The following TRAF5 variants were observed in gnomAD, a reference collection of about 807,000 sequenced individuals.
The protein encoded by TRAF5 is TNF receptor associated factor 5.
TRAF5 carries 48 observed loss-of-function variants against 64.5 expected under a neutral mutation model. That is an observed-to-expected ratio of 0.74 (90% confidence interval 0.59 to 0.95). The LOEUF is 0.95. Ranked by LOEUF, TRAF5 falls within the 40% of genes least tolerant of loss-of-function variation. The probability of loss-of-function intolerance (pLI) is 0.00; values close to 1 mark genes in which losing one functional copy is unlikely to be tolerated. For missense variants in TRAF5, 545 were observed against 662.8 expected (o/e 0.82, Z 1.95); for synonymous variants, 206 against 240.5 (o/e 0.86, Z 1.33).
chr1:211,365,623 A>T, intron 8 of TRAF5, 155 bp downstream of exon 8: 1 of 561,598 alleles, frequency 1.8e-6, no homozygotes, highest in Non-Finnish European at 3.0e-6. Flanking sequence ...TCATAGGATT[A>T]TAGAACATTA....
chr1:211,338,488 T>G (rs1365068037), intron 1 of TRAF5, among the ~76,000 whole-genome samples: 3 of 152,212 alleles, frequency 2.0e-5, no homozygotes, highest in African/African-American at 7.2e-5. Flanking sequence ...TGACCGGCAC[T>G]GAATAAAGCT....
intron 1 of TRAF5, among the ~76,000 whole-genome samples, chr1:211,346,835 CT>C (rs796678812): frequency 6.6e-6 from 1 of 152,200 alleles, no homozygotes; most frequent in East Asian, 1.9e-4. Context: ...GCATCCACAG[CT>C]TTCCTTTGGA....
At position 211,372,226 on chromosome 1, in the gene TRAF5, A is replaced by G. The variant is rs1703557153; in HGVS notation, c.1198A>G (p.Thr400Ala). 6 of 1,614,090 alleles carry G rather than the reference A, an allele frequency of 3.7e-6. No individual in the cohort carries two copies. Among genetic ancestry groups the G allele is most frequent in the Non-Finnish European group, 5.1e-6 (6 of 1,180,006 alleles). ...AGAGCGATTTAAACTGCTGGAGGGT[A>G]CTTGCTATAATGGAAAGCTCATTTG... ...NEERFKLLEG[T>A]CYNGKLIWKV... The change falls in exon 11 of 11, where the codon ACT (threonine) becomes GCT (alanine). Residue 400 changes from threonine (T) to alanine (A), a missense_variant. By Grantham distance (58) the Thr-to-Ala change is moderately conservative. Transcript: ENST00000261464.
At position 211,373,585 on chromosome 1, in the gene TRAF5, T is replaced by A. The variant is rs1703605956; in HGVS notation, c.*883T>A. ...TTTTGGTGACAGTAATAAATCAATG[T>A]GAGGATGGATAGAATTTAGTATATG... On this transcript the variant is annotated 3_prime_UTR_variant, in exon 11 of 11. Coordinates refer to ENST00000261464, the MANE Select transcript of TRAF5 (RefSeq NM_001033910.3). The A allele has an allele frequency of 6.6e-6, 1 of 152,102 alleles. No individual in the cohort carries two copies. Among genetic ancestry groups the A allele is most frequent in the South Asian group, 2.1e-4 (1 of 4,822 alleles). The allele number at this position is 152,102 out of a possible 1,614,324, so 9.4% of individuals were successfully genotyped here. A position where few individuals can be genotyped will look rare whatever the true frequency, so the allele number is the denominator to read the frequency against.
At chr1:211,372,098 ATCT>A in intron 10 of TRAF5, 27 bp from the exon 11 acceptor site, 1 of 1,314,616 alleles carries the variant, frequency 7.6e-7, no homozygotes, top group African/African-American at 1.7e-5. Flanking sequence ...GGCCTATGGA[ATCT>A]TTTTTTTTTT....
At chr1:211,335,253 A>G (rs1382999123) in intron 1 of TRAF5, among the ~76,000 whole-genome samples, 2 of 152,140 alleles carry the variant, frequency 1.3e-5, no homozygotes, top group Non-Finnish European at 2.9e-5. Context: ...ACCTTGTGTC[A>G]TCCCCTCAGC....
chr1:211,343,017 T>C (rs1702488095), intron 1 of TRAF5, among the ~76,000 whole-genome samples: 1 of 152,212 alleles, frequency 6.6e-6, no homozygotes, highest in Non-Finnish European at 1.5e-5. Context: ...GCAGTGGGAT[T>C]GCTGGATCAT....
intron 1 of TRAF5, among the ~76,000 whole-genome samples, chr1:211,339,432 A>G (rs1427848307): frequency 6.6e-6 from 1 of 152,134 alleles, no homozygotes; most frequent in African/African-American, 2.4e-5. Flanking sequence ...ACTCTTACTT[A>G]CTGATGTTTC....
At chr1:211,343,565 G>C (rs1244321705) in intron 1 of TRAF5, among the ~76,000 whole-genome samples, 4 of 152,246 alleles carry the variant, frequency 2.6e-5, no homozygotes, top group South Asian at 4.2e-4. Context: ...GGGATTACAG[G>C]TTTGAGCCAC....
At chr1:211,357,549 T>G (rs1703005967) in intron 4 of TRAF5, 1 of 152,244 alleles carries the variant, frequency 6.6e-6, no homozygotes, top group Admixed American at 6.5e-5. Flanking sequence ...CTGGGTTCTC[T>G]CCACCTGTTT....
intron 1 of TRAF5, among the ~76,000 whole-genome samples, chr1:211,352,711 A>AT (rs2102742127): frequency 6.6e-6 from 1 of 152,258 alleles, no homozygotes; most frequent in African/African-American, 2.4e-5. Context: ...ACAGAAATTT[A>AT]TTTCTCATAG....
At chr1:211,354,508 A>G (rs761767602) in intron 3 of TRAF5, 41 bp downstream of exon 3, 3 of 1,598,286 alleles carry the variant, frequency 1.9e-6, no homozygotes, top group Non-Finnish European at 2.6e-6. Flanking sequence ...TCTCAGGGTG[A>G]TGGAGAAGAA....
chr1:211,336,058 AG>A (rs2102714902), intron 1 of TRAF5, among the ~76,000 whole-genome samples: 1 of 152,154 alleles, frequency 6.6e-6, no homozygotes, highest in African/African-American at 2.4e-5. Flanking sequence ...GAGGAGAGAA[AG>A]GTTTAAAATC....
chr1:211,351,230 G>A (rs548465923), intron 1 of TRAF5, among the ~76,000 whole-genome samples: 25 of 151,878 alleles, frequency 1.6e-4, no homozygotes, highest in African/African-American at 4.8e-4. Flanking sequence ...GTTTCACCGC[G>A]TTAGCCAGGA....
chr1:211,341,916 C>G (rs1185406443), intron 1 of TRAF5, among the ~76,000 whole-genome samples: 2 of 152,186 alleles, frequency 1.3e-5, no homozygotes, highest in Non-Finnish European at 1.5e-5. Flanking sequence ...GCATGTCAGG[C>G]AGTCAGGTTA....
At chr1:211,364,708 C>A (rs960456564) in intron 7 of TRAF5, among the ~76,000 whole-genome samples, 1 of 150,980 alleles carries the variant, frequency 6.6e-6, no homozygotes, top group African/African-American at 2.4e-5. Flanking sequence ...AACAAACAAA[C>A]AAAACTGATT....
chr1:211,366,966 ATTGT>A (rs1553272282), intron 8 of TRAF5, among the ~76,000 whole-genome samples: 16,551 of 107,500 alleles, frequency 0.15, 1,128 homozygotes, highest in East Asian at 0.44. Context: ...TGGTCAGCTA[ATTGT>A]TTGTTTGTTT....
chr1:211,333,817 T>C (rs548747164), intron 1 of TRAF5, among the ~76,000 whole-genome samples: 1 of 152,176 alleles, frequency 6.6e-6, no homozygotes, highest in East Asian at 1.9e-4. Context: ...TGTAGGTCTT[T>C]CTACACCTGA....
intron 1 of TRAF5, among the ~76,000 whole-genome samples, chr1:211,346,111 G>C (rs1702598882): frequency 6.6e-6 from 1 of 152,136 alleles, no homozygotes; most frequent in Non-Finnish European, 1.5e-5. Flanking sequence ...CCTTCATCTA[G>C]AAAATGCCTC....
Sources: gnomAD v4.1 joint callset for allele counts (sites outside exome capture counted in the v4.1 genomes callset) on GRCh38, gnomAD v4.1.1 for gene constraint, MANE v1.5 for transcripts, NCBI Gene and HGNC (gene_info 2026-07-23, HGNC 2026-07-21) for gene names.